GLMN: variants seen among roughly 807,000 people sequenced by gnomAD.
The protein encoded by GLMN is glomulin.
A neutral mutation model predicts 87.8 loss-of-function variants in GLMN; 75 were observed. The observed-to-expected ratio is 0.85, with a 90% CI of 0.71 to 1.04. The LOEUF (loss-of-function observed/expected upper bound fraction) is 1.04. GLMN is among the 50% of genes least tolerant of loss of function. The pLI is 0.00. For synonymous variants in GLMN, 206 were observed against 221.6 expected, an observed-to-expected ratio of 0.93 and a Z score of 0.63; for missense variants, 588 against 658.8, an observed-to-expected ratio of 0.89 and a Z score of 1.18.
chr1:92,333,311 T>C, the GLMN span: 1 of 1,139,474 alleles, frequency 8.8e-7, no homozygotes, highest in Non-Finnish European at 1.3e-6. Context: ...CTTTTGTGTT[T>C]TAATGTTTAT....
At chr1:92,291,291 CCAA>C (rs1649371991) in intron 4 of GLMN, 124 bp downstream of exon 4, 3 of 833,250 alleles carry the variant, frequency 3.6e-6, no homozygotes, top group African/African-American at 1.7e-5. Flanking sequence ...GGTCTTTTCT[CCAA>C]CGAGTTCCTT....
chr1:92,285,262 T>A (rs1321390744), intron 7 of GLMN, among the ~76,000 whole-genome samples: 1 of 152,100 alleles, frequency 6.6e-6, no homozygotes, highest in African/African-American at 2.4e-5. Context: ...GGCACATATA[T>A]ACCATGGAAT....
chr1:92,307,798 G>T, the GLMN span, among the ~76,000 whole-genome samples: 1 of 151,592 alleles, frequency 6.6e-6, no homozygotes, highest in Non-Finnish European at 1.5e-5. Flanking sequence ...TTAAATACTG[G>T]CAATGTTTTA....
At position 92,271,456 on chromosome 1, in the gene GLMN, A is replaced by T. The variant is rs1455803674; in HGVS notation, c.923+9T>A. ...AGAATACATGAATAAACCAAACACTAACTCTTACCTTAAGACCATTGGAAG... is the reference window on the plus strand; with the variant it reads ...AGAATACATGAATAAACCAAACACTTACTCTTACCTTAAGACCATTGGAAG... On this transcript the variant is annotated intron_variant, in intron 8 of 18. Coordinates refer to ENST00000370360, the MANE Select transcript of GLMN (RefSeq NM_053274.3). The T allele has an allele frequency of 1.2e-6, 2 of 1,601,880 alleles. No individual in the cohort carries two copies. Among genetic ancestry groups the T allele is most frequent in the Non-Finnish European group, 1.7e-6 (2 of 1,169,522 alleles).
rs534303443 is a variant in GLMN at position 92,289,084 on chromosome 1, T to C, written c.462A>G (p.Leu154=). 1.2e-5 allele frequency: 19 copies of C among 1,612,326 alleles called. No homozygotes were observed. The highest frequency in any genetic ancestry group is 9.3e-5 in the African/African-American group (7 of 75,010). ...TTGAGTATGGAACAGGAAGAAGAGA[T>C]AGCTGATTCCAAAGGGTAGACAATG... is the stretch of plus-strand genomic sequence containing the variant. The part of the protein sequence containing the change: ...GLALSTLWNQ[L]SLLPVPYSKE... The change falls in exon 6 of 19, where the codon CTA becomes CTG. Residue 154 remains leucine (L), a synonymous_variant. Transcript: ENST00000370360.
At chr1:92,353,532 C>T in the GLMN span, among the ~76,000 whole-genome samples, 12 of 152,280 alleles carry the variant, frequency 7.9e-5, no homozygotes, top group Middle Eastern at 3.4e-3. Flanking sequence ...ACAAAGGTTA[C>T]GGTGTTCATA....
the GLMN span, among the ~76,000 whole-genome samples, chr1:92,322,132 G>A: frequency 6.6e-6 from 1 of 151,194 alleles, no homozygotes; most frequent in Admixed American, 6.6e-5. Flanking sequence ...TTTTAGTAGA[G>A]ACAGGGTTTC....
At chr1:92,301,900 A>T (rs1650881604), upstream of GLMN, among the ~76,000 whole-genome samples, 1 of 152,224 alleles carries the variant, frequency 6.6e-6, no homozygotes, top group African/African-American at 2.4e-5. Context: ...GAGGTGATAG[A>T]TATGTTAATT....
the GLMN span, among the ~76,000 whole-genome samples, chr1:92,318,973 G>A: frequency 1.3e-5 from 2 of 152,120 alleles, no homozygotes; most frequent in African/African-American, 4.8e-5. Flanking sequence ...AGTAGGGGCT[G>A]TATGATCAAA....
chr1:92,326,252 G>A, the GLMN span, among the ~76,000 whole-genome samples: 3 of 152,100 alleles, frequency 2.0e-5, no homozygotes, highest in Non-Finnish European at 4.4e-5. Flanking sequence ...TTACTGTGAT[G>A]ATGAATAAAT....
the GLMN span, chr1:92,333,445 C>G: frequency 6.2e-7 from 1 of 1,613,384 alleles, no homozygotes; most frequent in Non-Finnish European, 8.5e-7. Context: ...GATTAGAAAA[C>G]GCATCGTACT....
At chr1:92,340,782 A>G in the GLMN span, among the ~76,000 whole-genome samples, 1 of 152,144 alleles carries the variant, frequency 6.6e-6, no homozygotes, top group African/African-American at 2.4e-5. Flanking sequence ...TTGCATTACA[A>G]ATCTGCTATC....
chr1:92,280,319 T>C (rs1372983313), intron 7 of GLMN, among the ~76,000 whole-genome samples: 3 of 152,158 alleles, frequency 2.0e-5, no homozygotes, highest in Non-Finnish European at 4.4e-5. Flanking sequence ...GTGATACCCA[T>C]GCAAACAGGG....
the GLMN span, chr1:92,333,531 A>T: frequency 1.7e-6 from 2 of 1,157,232 alleles, no homozygotes; most frequent in Non-Finnish European, 2.6e-6. Context: ...TTGACATTTA[A>T]GCTCATAATG....
chr1:92,297,258 TTTCTAA>T, intron 3 of GLMN, 140 bp downstream of exon 3: 1 of 1,156,768 alleles, frequency 8.6e-7, no homozygotes, highest in Non-Finnish European at 1.3e-6. Flanking sequence ...GGCCTAAATA[TTTCTAA>T]TTCTTTTTTT....
intron 16 of GLMN, among the ~76,000 whole-genome samples, chr1:92,259,788 G>A (rs1654781513): frequency 7.5e-6 from 1 of 132,602 alleles, no homozygotes; most frequent in Admixed American, 8.7e-5. Context: ...AGTGGGGAGT[G>A]CAGTGGCATG....
At chr1:92,330,371 G>A in the GLMN span, among the ~76,000 whole-genome samples, 1 of 148,972 alleles carries the variant, frequency 6.7e-6, no homozygotes, top group African/African-American at 2.5e-5. Context: ...ATTAATGTTA[G>A]TTCTTTAAAT....
chr1:92,332,797 A>G, the GLMN span, among the ~76,000 whole-genome samples: 13 of 152,108 alleles, frequency 8.5e-5, no homozygotes, highest in South Asian at 2.1e-4. Flanking sequence ...AAACTGCTCA[A>G]TTTCTCAATA....
intron 7 of GLMN, among the ~76,000 whole-genome samples, chr1:92,280,231 C>T (rs1381209981): frequency 6.6e-6 from 1 of 152,242 alleles, no homozygotes; most frequent in Non-Finnish European, 1.5e-5. Flanking sequence ...ACACCTCAAA[C>T]AGGCGGGTGC....
Sources: gnomAD v4.1 joint callset for allele counts (sites outside exome capture counted in the v4.1 genomes callset) on GRCh38, gnomAD v4.1.1 for gene constraint, MANE v1.5 for transcripts, NCBI Gene and HGNC (gene_info 2026-07-23, HGNC 2026-07-21) for gene names.